Variants in SGSM1 observed in about 807,000 individuals in gnomAD.
The protein encoded by SGSM1 is small G protein signaling modulator 1, also known as RUN and TBC1 domain containing 2.
SGSM1 carries 73 observed loss-of-function variants against 133.8 expected under a neutral mutation model. That is an observed-to-expected ratio of 0.55 (90% CI 0.45 to 0.66). SGSM1 has a LOEUF of 0.66. Among genes scored for constraint, SGSM1 ranks in the 30% least tolerant of loss-of-function variants. The pLI is 0.00. For missense variants in SGSM1, 1,213 were observed against 1,448.1 expected, an observed-to-expected ratio of 0.84 and a Z score of 2.64; for synonymous variants, 563 against 573.0, an observed-to-expected ratio of 0.98 and a Z score of 0.25.
chr22:24,884,854 C>A (rs990994962), intron 15 of SGSM1, among the ~76,000 whole-genome samples: 1 of 152,206 alleles, frequency 6.6e-6, no homozygotes, highest in Admixed American at 6.5e-5. Flanking sequence ...CCCCACCATA[C>A]ACCACATACC....
intron 9 of SGSM1, among the ~76,000 whole-genome samples, chr22:24,863,569 C>T (rs539742974): frequency 6.6e-6 from 1 of 152,218 alleles, no homozygotes; most frequent in Admixed American, 6.5e-5. Context: ...CGTTGTTATT[C>T]TCACCAGAAC....
At chr22:24,858,898 C>A (rs933374628) in intron 8 of SGSM1, among the ~76,000 whole-genome samples, 2 of 152,250 alleles carry the variant, frequency 1.3e-5, no homozygotes, top group Admixed American at 6.5e-5. Flanking sequence ...CTTTGAACAG[C>A]TGTGGCTGAG....
chr22:24,900,901 A>G (rs903939675), intron 19 of SGSM1, among the ~76,000 whole-genome samples: 1 of 152,166 alleles, frequency 6.6e-6, no homozygotes, highest in Admixed American at 6.6e-5. Context: ...TTTAAGACCC[A>G]GGTGGAAGGT....
At chr22:24,821,182 G>A (rs1227804412) in intron 2 of SGSM1, among the ~76,000 whole-genome samples, 1 of 152,116 alleles carries the variant, frequency 6.6e-6, no homozygotes, top group East Asian at 1.9e-4. Context: ...GATGACAGGC[G>A]CCCGCCATCA....
chr22:24,868,518 A>G lies in SGSM1; in HGVS notation c.1137A>G (p.Pro379=). The G allele has an allele frequency of 1.2e-6, 2 of 1,613,888 alleles. No individual in the cohort carries two copies. The highest frequency in any genetic ancestry group is 1.7e-6 in the Non-Finnish European group (2 of 1,179,856). The change falls in exon 11 of 25, where the codon CCA becomes CCG. Residue 379 remains proline, a synonymous_variant. Transcript: ENST00000400358. ...TCCCACATGGGCAGTTGGACCCGCC[A>G]CTGTGGTCCCAGAGGGGTAAGGTGA... is the stretch of plus-strand genomic sequence containing the variant. ...GLLPHGQLDP[P]LWSQRGKGKV...
At chr22:24,831,767 C>T (rs1468824166) in intron 2 of SGSM1, among the ~76,000 whole-genome samples, 1 of 152,198 alleles carries the variant, frequency 6.6e-6, no homozygotes, top group Admixed American at 6.5e-5. Flanking sequence ...CCGGCCTGTG[C>T]GTCTTAATTT....
At chr22:24,890,163 A>G (rs1292535419) in intron 16 of SGSM1, among the ~76,000 whole-genome samples, 6 of 151,572 alleles carry the variant, frequency 4.0e-5, no homozygotes, top group Non-Finnish European at 7.4e-5. Context: ...TTACCGTGTT[A>G]GATAGGATGG....
intron 8 of SGSM1, 159 bp from the exon 9 acceptor site, chr22:24,859,557 C>A: frequency 9.9e-7 from 1 of 1,011,172 alleles, no homozygotes; most frequent in Non-Finnish European, 1.5e-6. Context: ...GCATGGCCAT[C>A]TGGAAGGAGG....
intron 2 of SGSM1, among the ~76,000 whole-genome samples, chr22:24,809,755 A>G (rs978105869): frequency 2.6e-5 from 4 of 152,188 alleles, no homozygotes; most frequent in Non-Finnish European, 5.9e-5. Context: ...CTTGCAGCGG[A>G]GGAAACACAC....
chr22:24,810,094 G>A (rs114665562), intron 2 of SGSM1, among the ~76,000 whole-genome samples: 1 of 152,140 alleles, frequency 6.6e-6, no homozygotes, highest in African/African-American at 2.4e-5. Context: ...CGGAGAAGGC[G>A]GAACATGTGG....
At position 24,882,131 on chromosome 22, in the gene SGSM1, A is replaced by G. The variant is rs1200430121; in HGVS notation, c.1496-1922A>G. 3.3e-5 allele frequency among the ~76,000 whole-genome samples: 5 copies of G among 152,126 alleles called. No homozygotes were observed. The East Asian group carries it at 7.7e-4, about 23-fold the overall frequency. On this transcript the variant is annotated intron_variant, in intron 14 of 24. Coordinates refer to ENST00000400358, the MANE Select transcript of SGSM1 (RefSeq NM_001098497.3). ...CGCCTTGTCACCCCGGCTAGACGCAATTATGGTTCACTGCACCCTCTACCT... is the reference window on the plus strand; with the variant it reads ...CGCCTTGTCACCCCGGCTAGACGCAGTTATGGTTCACTGCACCCTCTACCT...
At chr22:24,885,697 C>T (rs1297705732) in intron 15 of SGSM1, among the ~76,000 whole-genome samples, 1 of 152,192 alleles carries the variant, frequency 6.6e-6, no homozygotes, top group African/African-American at 2.4e-5. Context: ...GCTGGGATTA[C>T]AGGCGTGAGC....
At chr22:24,874,222 C>T (rs570857680) in intron 12 of SGSM1, among the ~76,000 whole-genome samples, 33 of 152,180 alleles carry the variant, frequency 2.2e-4, no homozygotes, top group Non-Finnish European at 4.6e-4. Flanking sequence ...CCTAGCCTGA[C>T]ACTCAGCGCA....
intron 3 of SGSM1, among the ~76,000 whole-genome samples, chr22:24,846,010 T>TC (rs2147836925): frequency 7.8e-6 from 1 of 128,716 alleles, no homozygotes; most frequent in Admixed American, 8.3e-5. Flanking sequence ...TCTTTCTTTC[T>TC]TCATTTCTTT....
At chr22:24,847,908 G>A in intron 4 of SGSM1, 112 bp downstream of exon 4, 1 of 1,396,180 alleles carries the variant, frequency 7.2e-7, no homozygotes, top group Non-Finnish European at 9.6e-7. Flanking sequence ...TCTCCATCCT[G>A]CTTCTCAAAC....
intron 2 of SGSM1, among the ~76,000 whole-genome samples, chr22:24,812,954 G>T (rs1440138094): frequency 1.3e-5 from 2 of 152,124 alleles, no homozygotes; most frequent in Non-Finnish European, 2.9e-5. Flanking sequence ...GGCATATAGA[G>T]AAAACAAGAA....
Position 24,855,447 on chromosome 22 carries a change from G to A in SGSM1, c.669+17G>A. The A allele has an allele frequency of 6.2e-7, 1 of 1,613,364 alleles. No homozygotes were observed. Among genetic ancestry groups the A allele is most frequent in the Non-Finnish European group, 8.5e-7 (1 of 1,179,794 alleles). ...GCCCTCTGTGTGAGTGGGGTGGACA[G>A]TGGGGCAGTGGGAGGGACCTTACAT... On this transcript the variant is annotated intron_variant, in intron 7 of 24. Transcript: ENST00000400358.
At position 24,884,206 on chromosome 22, in the gene SGSM1, T is replaced by C. The variant is rs1932485449; in HGVS notation, c.1641+8T>C. On this transcript the variant is annotated splice_region_variant and intron_variant, in intron 15 of 24. Coordinates refer to ENST00000400358, the MANE Select transcript of SGSM1 (RefSeq NM_001098497.3). ...TACCTTCACGACAGCACAGTAAGGCTTAGCTGGGCTTGGTCTGCAGTGATG... is the reference window on the plus strand; with the variant it reads ...TACCTTCACGACAGCACAGTAAGGCCTAGCTGGGCTTGGTCTGCAGTGATG... 3 of 1,610,454 alleles carry C rather than the reference T, an allele frequency of 1.9e-6. No homozygotes were observed. The highest frequency in any genetic ancestry group is 2.5e-6 in the Non-Finnish European group (3 of 1,177,366).
chr22:24,920,668 G>A (rs1933974298), intron 24 of SGSM1, among the ~76,000 whole-genome samples: 4 of 146,324 alleles, frequency 2.7e-5, no homozygotes, highest in Admixed American at 1.4e-4. Flanking sequence ...ATGAAAGAAA[G>A]TTCTGGAAAA....
Sources: gnomAD v4.1 joint callset for allele counts (sites outside exome capture counted in the v4.1 genomes callset) on GRCh38, gnomAD v4.1.1 for gene constraint, MANE v1.5 for transcripts, NCBI Gene and HGNC (gene_info 2026-07-23, HGNC 2026-07-21) for gene names.